KIF16B: variants seen among roughly 807,000 people sequenced by gnomAD.
KIF16B encodes kinesin-like protein KIF16B.
KIF16B carries 98 observed loss-of-function variants against 156.3 expected under a neutral mutation model. That is an observed-to-expected ratio of 0.63 (90% CI 0.53 to 0.74). KIF16B has a LOEUF of 0.74. KIF16B is among the 30% of genes least tolerant of loss of function. KIF16B has a pLI of 0.00. For synonymous variants in KIF16B, 564 were observed against 583.7 expected, an observed-to-expected ratio of 0.97 and a Z score of 0.49; for missense variants, 1,421 against 1,606.5, an observed-to-expected ratio of 0.88 and a Z score of 1.97.
intron 25 of KIF16B, among the ~76,000 whole-genome samples, chr20:16,296,164 A>G (rs2063383129): frequency 6.6e-6 from 1 of 152,224 alleles, no homozygotes; most frequent in Non-Finnish European, 1.5e-5. Flanking sequence ...AGTGAGGTCA[A>G]TAGCAACTGG....
intron 24 of KIF16B, among the ~76,000 whole-genome samples, chr20:16,313,885 C>T: frequency 6.6e-6 from 1 of 152,150 alleles, no homozygotes; most frequent in East Asian, 1.9e-4. Context: ...TAGAATTGTG[C>T]TGCTATGATC....
chr20:16,569,481 G>A lies in KIF16B; in HGVS notation c.47+3748C>T, dbSNP rs570631616. Among the ~76,000 whole-genome samples, 5 of 152,276 alleles carry A rather than the reference G, an allele frequency of 3.3e-5. No individual in the cohort carries two copies. In the East Asian group the frequency reaches 9.7e-4, roughly 29 times the overall value. On this transcript the variant is annotated intron_variant, in intron 1 of 25. Transcript: ENST00000354981. ...ACTGCCACATAATTGAAAGCCATAA[G>A]GCAATAAAAATAAACTCATCACATC... is the stretch of plus-strand genomic sequence containing the variant.
intron 23 of KIF16B, among the ~76,000 whole-genome samples, chr20:16,352,275 CAG>C (rs1313127458): frequency 6.6e-6 from 1 of 152,192 alleles, no homozygotes; most frequent in Non-Finnish European, 1.5e-5. Flanking sequence ...TACGCCTCAA[CAG>C]AGTTAATCTT....
At chr20:16,485,445 A>G (rs1393115518) in intron 12 of KIF16B, among the ~76,000 whole-genome samples, 2 of 152,254 alleles carry the variant, frequency 1.3e-5, no homozygotes, top group Admixed American at 1.3e-4. Flanking sequence ...ATAAAGAGCT[A>G]CTGCACAAGA....
intron 24 of KIF16B, among the ~76,000 whole-genome samples, chr20:16,326,108 G>A (rs2063843661): frequency 6.6e-6 from 1 of 152,102 alleles, no homozygotes; most frequent in Non-Finnish European, 1.5e-5. Flanking sequence ...GTAGAAGAAT[G>A]AAACTGGATC....
chr20:16,501,423 A>G (rs1056158021), intron 10 of KIF16B, among the ~76,000 whole-genome samples: 5 of 152,068 alleles, frequency 3.3e-5, no homozygotes, highest in African/African-American at 1.2e-4. Context: ...TGGCACAACT[A>G]CTTTTAGAAA....
chr20:16,297,651 G>A (rs1445146150), intron 25 of KIF16B, among the ~76,000 whole-genome samples: 5 of 146,742 alleles, frequency 3.4e-5, no homozygotes, highest in East Asian at 2.0e-4. Flanking sequence ...AGCCTAGATC[G>A]CACTGTTGCA....
At chr20:16,436,577 G>C (rs1484536975) in intron 12 of KIF16B, among the ~76,000 whole-genome samples, 2 of 152,276 alleles carry the variant, frequency 1.3e-5, no homozygotes, top group East Asian at 1.9e-4. Context: ...AGGTACAGTG[G>C]GGGGTATTCT....
intron 23 of KIF16B, among the ~76,000 whole-genome samples, chr20:16,337,399 G>A (rs1472158013): frequency 1.3e-5 from 2 of 152,122 alleles, no homozygotes; most frequent in Non-Finnish European, 2.9e-5. Flanking sequence ...TCCCAAAAGT[G>A]GCAAATGAGA....
intron 15 of KIF16B, among the ~76,000 whole-genome samples, chr20:16,411,681 T>G (rs1020394033): frequency 6.6e-6 from 1 of 152,068 alleles, no homozygotes; most frequent in African/African-American, 2.4e-5. Flanking sequence ...CATCTGCCAT[T>G]TTTTTGTCCT....
At chr20:16,336,590 G>A (rs889689288) in intron 23 of KIF16B, among the ~76,000 whole-genome samples, 10 of 152,106 alleles carry the variant, frequency 6.6e-5, no homozygotes, top group East Asian at 3.9e-4. Context: ...TTTCTTCTGC[G>A]CTCTAGACCC....
rs1242565849 is a variant in KIF16B, at chr20:16,427,023, T to G, written c.1612+81A>C. 13 of 1,203,570 alleles carry G rather than the reference T, an allele frequency of 1.1e-5. No homozygotes were observed. The South Asian group carries it at 2.0e-4, about 18-fold the overall frequency. 74.6% of individuals were successfully genotyped at this position (1,203,570 alleles called of 1,614,324 possible). ...ACCTAATCAATAATTAATTCTAAGA[T>G]GCACATGTTCCCCCATTGCCTAGCC... On this transcript the variant is annotated intron_variant, in intron 15 of 25. Coordinates refer to ENST00000354981, the MANE Select transcript of KIF16B (RefSeq NM_024704.5).
intron 1 of KIF16B, among the ~76,000 whole-genome samples, chr20:16,561,256 T>C (rs980048978): frequency 1.3e-5 from 2 of 152,130 alleles, no homozygotes; most frequent in African/African-American, 4.8e-5. Context: ...ATGGAGCTGC[T>C]GCACTCCAGC....
chr20:16,404,924 G>A (rs753353209), intron 16 of KIF16B, 23 bp from the exon 17 acceptor site: 2 of 1,580,062 alleles, frequency 1.3e-6, no homozygotes, highest in Admixed American at 1.7e-5. Flanking sequence ...ACAGGGCAGA[G>A]TGGTTACCTT....
At chr20:16,529,478 G>T (rs1344887141) in intron 1 of KIF16B, among the ~76,000 whole-genome samples, 1 of 152,152 alleles carries the variant, frequency 6.6e-6, no homozygotes, top group African/African-American at 2.4e-5. Flanking sequence ...GAACTACAAA[G>T]AAATCTTAAA....
At chr20:16,487,255 A>T (rs2068147144) in intron 12 of KIF16B, among the ~76,000 whole-genome samples, 1 of 151,986 alleles carries the variant, frequency 6.6e-6, no homozygotes, top group African/African-American at 2.4e-5. Context: ...CCATCTCAAA[A>T]AAAAAAAGAT....
At chr20:16,467,713 A>G (rs2067532830) in intron 12 of KIF16B, among the ~76,000 whole-genome samples, 1 of 124,734 alleles carries the variant, frequency 8.0e-6, no homozygotes, top group Non-Finnish European at 1.7e-5. Flanking sequence ...AAGTTTTAAT[A>G]GGGGGGAAAA....
intron 12 of KIF16B, among the ~76,000 whole-genome samples, chr20:16,474,611 G>C (rs2067758550): frequency 6.6e-6 from 1 of 152,208 alleles, no homozygotes; most frequent in African/African-American, 2.4e-5. Flanking sequence ...CTTAAAAGAG[G>C]AGTAAACTCA....
At chr20:16,315,853 A>G (rs909181104) in intron 24 of KIF16B, among the ~76,000 whole-genome samples, 1 of 152,226 alleles carries the variant, frequency 6.6e-6, no homozygotes, top group African/African-American at 2.4e-5. Context: ...CTCATGATAG[A>G]AATGTGAGCT....
Sources: allele counts gnomAD v4.1 joint callset (sites outside exome capture counted in the v4.1 genomes callset), GRCh38; gene constraint gnomAD v4.1.1; transcripts MANE v1.5; gene names NCBI Gene and HGNC (gene_info 2026-07-23, HGNC 2026-07-21).